NLRP2B: variants seen among roughly 807,000 people sequenced by gnomAD.
The protein encoded by NLRP2B is NLR family pyrin domain-containing protein 2B.
For missense variants in NLRP2B, 25 were observed against 6.8 expected (o/e 3.70, Z -3.00); for synonymous variants, 16 against 3.5 (o/e 4.63, Z -4.03).
At position 57,677,652 on chromosome X, in the gene NLRP2B, C is replaced by A. The variant is rs2011718959; in HGVS notation, c.*2471G>T. The A allele has an allele frequency of 3.1e-6, 1 of 327,083 alleles. No homozygotes were observed. The allele number at this position is 327,083 out of a possible 1,213,427, so 27.0% of individuals were successfully genotyped here. ...GGTTCTTGGCCAAGCACAGGTGTGT[C>A]AGCTCCCCGCTGACAACCAAAACAG... On this transcript the variant is annotated 3_prime_UTR_variant, in exon 1 of 1. Transcript: ENST00000434992.
At position 57,678,048 on chromosome X, in the gene NLRP2B, A is replaced by C. The variant is rs1335743577; in HGVS notation, c.*2075T>G. ...GGTTCCGATAAGCATCAGCTGGTGA[A>C]ATGTTTTTGAACATCACTCTCTGGA... On this transcript the variant is annotated 3_prime_UTR_variant, in exon 1 of 1. Transcript: ENST00000434992. 4.2e-6 allele frequency: 2 copies of C among 470,759 alleles called. No individual in the cohort carries two copies. The highest frequency in any genetic ancestry group is 7.7e-6 in the Non-Finnish European group (2 of 259,680). The allele number at this position is 470,759 out of a possible 1,213,427, so 38.8% of individuals were successfully genotyped here. A position where few individuals can be genotyped will look rare whatever the true frequency, so the allele number is the denominator to read the frequency against.
rs1019859212 is a variant in NLRP2B at position 57,679,392 on chromosome X, A to G, written c.*731T>C. 3 of 852,271 alleles carry G rather than the reference A, an allele frequency of 3.5e-6. No homozygotes were observed. Among genetic ancestry groups the G allele is most frequent in the African/African-American group, 4.0e-5 (2 of 50,116 alleles). The allele number at this position is 852,271 out of a possible 1,213,427, so 70.2% of individuals were successfully genotyped here. ...GTGCCCCAGGTGGGGCTCCCAGCTCATCAAAGCCGTCGACCACGAACAGGA... is the reference window on the plus strand; with the variant it reads ...GTGCCCCAGGTGGGGCTCCCAGCTCGTCAAAGCCGTCGACCACGAACAGGA... On this transcript the variant is annotated 3_prime_UTR_variant, in exon 1 of 1. Coordinates refer to ENST00000434992, the MANE Select transcript of NLRP2B (RefSeq NM_001319967.1).
At position 57,678,616 on chromosome X, in the gene NLRP2B, A is replaced by C. The variant is rs1041626762; in HGVS notation, c.*1507T>G. The stretch of plus-strand genomic sequence containing the variant: ...GAATAAGAAGTGTCTTGCTTGGATC[A>C]GGTCGGGGTTCTTGAGTCTTTCTTC... On this transcript the variant is annotated 3_prime_UTR_variant, in exon 1 of 1. Transcript: ENST00000434992. 8 of 455,268 alleles carry C rather than the reference A, an allele frequency of 1.8e-5. No homozygotes were observed. The highest frequency in any genetic ancestry group is 2.4e-5 in the African/African-American group (1 of 41,258). The allele number at this position is 455,268 out of a possible 1,213,427, so 37.5% of individuals were successfully genotyped here.
In NLRP2B at chrX:57,679,581, C is replaced by T; in HGVS notation, c.*542G>A. ...GGCTGAGGTTGTCCTCTGCCCAGTC[C>T]AGCATTAATTTCTTGGCCAGCGTGG... On this transcript the variant is annotated 3_prime_UTR_variant, in exon 1 of 1. Transcript: ENST00000434992. 1 of 523,351 alleles carries T rather than the reference C, an allele frequency of 1.9e-6. No homozygotes were observed. Among genetic ancestry groups the T allele is most frequent in the Non-Finnish European group, 3.4e-6 (1 of 297,238 alleles). The allele number at this position is 523,351 out of a possible 1,213,427, so 43.1% of individuals were successfully genotyped here.
Position 57,677,361 on chromosome X carries a change from G to A in NLRP2B, c.*2762C>T, listed in dbSNP as rs1569419720. 1 of 362,695 alleles carries A rather than the reference G, an allele frequency of 2.8e-6. No individual in the cohort carries two copies. The highest frequency in any genetic ancestry group is 2.6e-5 in the African/African-American group (1 of 38,395). 29.9% of individuals were successfully genotyped at this position (362,695 alleles called of 1,213,427 possible). A position where few individuals can be genotyped will look rare whatever the true frequency, so the allele number is the denominator to read the frequency against. ...AGAGGTCCTCACAACTGAACAGAGG[G>A]ATGGAACACCCCCACAACCACAGAC... On this transcript the variant is annotated 3_prime_UTR_variant, in exon 1 of 1. Transcript: ENST00000434992.
chrX:57,678,116 C>T lies in NLRP2B; in HGVS notation c.*2007G>A. 1 of 472,744 alleles carries T rather than the reference C, an allele frequency of 2.1e-6. No homozygotes were observed. The highest frequency in any genetic ancestry group is 2.4e-5 in the African/African-American group (1 of 42,485). The allele number at this position is 472,744 out of a possible 1,213,427, so 39.0% of individuals were successfully genotyped here. On this transcript the variant is annotated 3_prime_UTR_variant, in exon 1 of 1. Coordinates refer to ENST00000434992, the MANE Select transcript of NLRP2B (RefSeq NM_001319967.1). Reference sequence around the variant, plus strand: ...GCTATTTGTTCACACAGGATCCTTACTAATGTGGCACCAAGAAAGCTATTA... The same window carrying T: ...GCTATTTGTTCACACAGGATCCTTATTAATGTGGCACCAAGAAAGCTATTA...
At position 57,678,191 on chromosome X, in the gene NLRP2B, G is replaced by A. The variant is rs1476910518; in HGVS notation, c.*1932C>T. ...TTATTTGAGCCAAATATGGAACAAA[G>A]GTCGGTCCAGAAAGGAAGCATGTGT... On this transcript the variant is annotated 3_prime_UTR_variant, in exon 1 of 1. Transcript: ENST00000434992. The A allele has an allele frequency of 1.9e-6, 1 of 521,321 alleles. No individual in the cohort carries two copies. Among genetic ancestry groups the A allele is most frequent in the Non-Finnish European group, 3.5e-6 (1 of 285,791 alleles). 43.0% of individuals were successfully genotyped at this position (521,321 alleles called of 1,213,427 possible). A position where few individuals can be genotyped will look rare whatever the true frequency, so the allele number is the denominator to read the frequency against.
rs1284504744 is a variant in NLRP2B, at chrX:57,679,641, C to T, written c.*482G>A. On this transcript the variant is annotated 3_prime_UTR_variant, in exon 1 of 1. Transcript: ENST00000434992. ...GGCCCGCAGGACCATGCAGCACCAC[C>T]GTGTGTGGGCAGGGCCCGGGAAGCA... 4.5e-5 allele frequency: 21 copies of T among 465,733 alleles called. No homozygotes were observed. The highest frequency in any genetic ancestry group is 1.4e-4 in the East Asian group (4 of 28,202). 38.4% of individuals were successfully genotyped at this position (465,733 alleles called of 1,213,427 possible).
At position 57,678,404 on chromosome X, in the gene NLRP2B, C is replaced by G. The variant is rs1379172789; in HGVS notation, c.*1719G>C. ...ATTTCTTTGAACGGAGCCATCACTC[C>G]CTTCACCAGCTCCTCCTCCTGAGAC... On this transcript the variant is annotated 3_prime_UTR_variant, in exon 1 of 1. Coordinates refer to ENST00000434992, the MANE Select transcript of NLRP2B (RefSeq NM_001319967.1). 1 of 520,789 alleles carries G rather than the reference C, an allele frequency of 1.9e-6. No individual in the cohort carries two copies. The highest frequency in any genetic ancestry group is 3.5e-6 in the Non-Finnish European group (1 of 283,355). 42.9% of individuals were successfully genotyped at this position (520,789 alleles called of 1,213,427 possible).
chrX:57,679,917 TA>T lies in NLRP2B; in HGVS notation c.*205del. 3.3e-6 allele frequency: 1 copy of T among 303,266 alleles called. No homozygotes were observed. The highest frequency in any genetic ancestry group is 5.7e-6 in the Non-Finnish European group (1 of 175,612). 25.0% of individuals were successfully genotyped at this position (303,266 alleles called of 1,213,427 possible). A position where few individuals can be genotyped will look rare whatever the true frequency, so the allele number is the denominator to read the frequency against. On this transcript the variant is annotated 3_prime_UTR_variant, in exon 1 of 1. Transcript: ENST00000434992. ...AACGCCCCAGCATTTGTTTCAGGTCTATAGGTTTTGGCTCTTCTTTCCCTGT... is the reference window on the plus strand; with the variant it reads ...AACGCCCCAGCATTTGTTTCAGGTCTTAGGTTTTGGCTCTTCTTTCCCTGT...
Position 57,679,006 on chromosome X carries a change from G to T in NLRP2B, c.*1117C>A, listed in dbSNP as rs1313692735. The T allele has an allele frequency of 9.6e-5, 42 of 438,418 alleles. No homozygotes were observed. The highest frequency in any genetic ancestry group is 1.5e-4 in the Non-Finnish European group (38 of 251,685). 36.1% of individuals were successfully genotyped at this position (438,418 alleles called of 1,213,427 possible). A position where few individuals can be genotyped will look rare whatever the true frequency, so the allele number is the denominator to read the frequency against. ...GCGCAGGAACAGCCCCGTGCGGGTG[G>T]GGCGGGTCCTTCCCCTTCTAACCTC... is the stretch of plus-strand genomic sequence containing the variant. On this transcript the variant is annotated 3_prime_UTR_variant, in exon 1 of 1. Transcript: ENST00000434992.
At position 57,678,708 on chromosome X, in the gene NLRP2B, C is replaced by T; in HGVS notation, c.*1415G>A. 2.5e-6 allele frequency: 1 copy of T among 404,479 alleles called. No individual in the cohort carries two copies. The highest frequency in any genetic ancestry group is 5.0e-5 in the East Asian group (1 of 19,817). 33.3% of individuals were successfully genotyped at this position (404,479 alleles called of 1,213,427 possible). A position where few individuals can be genotyped will look rare whatever the true frequency, so the allele number is the denominator to read the frequency against. ...GGCCGTCCTTGTCCTCCTCCTCCTC[C>T]TCCTCCTCCTTCTCCAGGGCGTGGA... On this transcript the variant is annotated 3_prime_UTR_variant, in exon 1 of 1. Coordinates refer to ENST00000434992, the MANE Select transcript of NLRP2B (RefSeq NM_001319967.1).
At position 57,679,502 on chromosome X, in the gene NLRP2B, G is replaced by A. The variant is rs997445165; in HGVS notation, c.*621C>T. The A allele has an allele frequency of 8.3e-5, 69 of 826,537 alleles. No individual in the cohort carries two copies. The African/African-American group carries it at 1.2e-3, about 14-fold the overall frequency. 68.1% of individuals were successfully genotyped at this position (826,537 alleles called of 1,213,427 possible). A position where few individuals can be genotyped will look rare whatever the true frequency, so the allele number is the denominator to read the frequency against. On this transcript the variant is annotated 3_prime_UTR_variant, in exon 1 of 1. Coordinates refer to ENST00000434992, the MANE Select transcript of NLRP2B (RefSeq NM_001319967.1). ...AAGACCAGCTCTGCAAAACTGCACGGGCCCAGGCAGATGAGCTCCTTGCAG... is the reference window on the plus strand; with the variant it reads ...AAGACCAGCTCTGCAAAACTGCACGAGCCCAGGCAGATGAGCTCCTTGCAG...
At position 57,677,237 on chromosome X, in the gene NLRP2B, G is replaced by A. The variant is rs1249418696; in HGVS notation, c.*2886C>T. Reference sequence around the variant, plus strand: ...AGTGTCTGGAGGGTGCAATTTGGATGTGTCAAGGTTTCAAACAGCATCTTT... The same window carrying A: ...AGTGTCTGGAGGGTGCAATTTGGATATGTCAAGGTTTCAAACAGCATCTTT... On this transcript the variant is annotated 3_prime_UTR_variant, in exon 1 of 1. Transcript: ENST00000434992. 3 of 385,185 alleles carry A rather than the reference G, an allele frequency of 7.8e-6. No homozygotes were observed. Among genetic ancestry groups the A allele is most frequent in the Non-Finnish European group, 1.5e-5 (3 of 194,411 alleles). The allele number at this position is 385,185 out of a possible 1,213,427, so 31.7% of individuals were successfully genotyped here. A position where few individuals can be genotyped will look rare whatever the true frequency, so the allele number is the denominator to read the frequency against.
At position 57,677,098 on chromosome X, in the gene NLRP2B, TCCCCCCCAA is replaced by T; in HGVS notation, c.*3016_*3024del. On this transcript the variant is annotated 3_prime_UTR_variant, in exon 1 of 1. Coordinates refer to ENST00000434992, the MANE Select transcript of NLRP2B (RefSeq NM_001319967.1). The stretch of plus-strand genomic sequence containing the variant: ...GAAGTAATGAAAAGAAAGCCTTTTT[TCCCCCCCAA>T]AGGATCATGTTTCTCAGTTATCAGC... 3.8e-6 allele frequency: 1 copy of T among 261,598 alleles called. No homozygotes were observed. The highest frequency in any genetic ancestry group is 2.8e-5 in the African/African-American group (1 of 35,308). The allele number at this position is 261,598 out of a possible 1,213,427, so 21.6% of individuals were successfully genotyped here. A position where few individuals can be genotyped will look rare whatever the true frequency, so the allele number is the denominator to read the frequency against.
Position 57,677,266 on chromosome X carries a change from C to T in NLRP2B, c.*2857G>A, listed in dbSNP as rs2011712477. The T allele has an allele frequency of 2.6e-6, 1 of 388,763 alleles. No individual in the cohort carries two copies. The allele number at this position is 388,763 out of a possible 1,213,427, so 32.0% of individuals were successfully genotyped here. A position where few individuals can be genotyped will look rare whatever the true frequency, so the allele number is the denominator to read the frequency against. Reference sequence around the variant, plus strand: ...CAAGGTTTCAAACAGCATCTTTACTCCACTAGACCCCAAGGGATTCTGGCT... The same window carrying T: ...CAAGGTTTCAAACAGCATCTTTACTTCACTAGACCCCAAGGGATTCTGGCT... On this transcript the variant is annotated 3_prime_UTR_variant, in exon 1 of 1. Coordinates refer to ENST00000434992, the MANE Select transcript of NLRP2B (RefSeq NM_001319967.1).
rs113282460 is a variant in NLRP2B at position 57,677,854 on chromosome X, A to G, written c.*2269T>C. On this transcript the variant is annotated 3_prime_UTR_variant, in exon 1 of 1. Coordinates refer to ENST00000434992, the MANE Select transcript of NLRP2B (RefSeq NM_001319967.1). ...CTGGTTGACTTCAAGGGCCAAGGAG[A>G]GATCAGCCCATTGCTAAGTGGTGGT... 9.5e-3 allele frequency: 4,029 copies of G among 425,941 alleles called. 128 individuals are homozygous for G. Among genetic ancestry groups the G allele is most frequent in the African/African-American group, 0.09 (3,642 of 40,554 alleles). The allele number at this position is 425,941 out of a possible 1,213,427, so 35.1% of individuals were successfully genotyped here.
chrX:57,679,173 C>A lies in NLRP2B; in HGVS notation c.*950G>T. On this transcript the variant is annotated 3_prime_UTR_variant, in exon 1 of 1. Transcript: ENST00000434992. ...AAAGTGTCTCAGGAAATATGCCCTCCTGTCCTTCTCCAGGAACTCCTCCAC... is the reference window on the plus strand; with the variant it reads ...AAAGTGTCTCAGGAAATATGCCCTCATGTCCTTCTCCAGGAACTCCTCCAC... The A allele has an allele frequency of 2.1e-6, 1 of 470,946 alleles. No individual in the cohort carries two copies. The allele number at this position is 470,946 out of a possible 1,213,427, so 38.8% of individuals were successfully genotyped here.
chrX:57,677,592 A>C lies in NLRP2B; in HGVS notation c.*2531T>G. 1 of 303,367 alleles carries C rather than the reference A, an allele frequency of 3.3e-6. No homozygotes were observed. Among genetic ancestry groups the C allele is most frequent in the South Asian group, 3.7e-5 (1 of 27,194 alleles). 25.0% of individuals were successfully genotyped at this position (303,367 alleles called of 1,213,427 possible). Reference sequence around the variant, plus strand: ...TACAATGGGGGTAACTCAAACCCTTACACAGAAACATCACCCATGTATCCC... The same window carrying C: ...TACAATGGGGGTAACTCAAACCCTTCCACAGAAACATCACCCATGTATCCC... On this transcript the variant is annotated 3_prime_UTR_variant, in exon 1 of 1. Coordinates refer to ENST00000434992, the MANE Select transcript of NLRP2B (RefSeq NM_001319967.1).
Sources: gnomAD v4.1 joint callset for allele counts on GRCh38, gnomAD v4.1.1 for gene constraint, MANE v1.5 for transcripts, NCBI Gene and HGNC (gene_info 2026-07-23, HGNC 2026-07-21) for gene names.